The following RNF8 variants were observed in gnomAD, a reference collection of about 807,000 sequenced individuals.
RNF8 encodes the protein ring finger protein 8.
RNF8 carries 8 observed loss-of-function variants against 59.3 expected under a neutral mutation model. The observed-to-expected ratio is 0.13, with a 90% CI of 0.08 to 0.24. The LOEUF (loss-of-function observed/expected upper bound fraction) is 0.24, where lower values mean the gene tolerates loss of function less well. Ranked by LOEUF, RNF8 falls within the 10% of genes least tolerant of loss-of-function variation. The pLI, the probability that RNF8 is intolerant of heterozygous loss-of-function variation, is 1.00. For synonymous variants in RNF8, 162 were observed against 200.0 expected (o/e 0.81, Z 1.60); for missense variants, 406 against 572.6 (o/e 0.71, Z 2.97).
At chr6:37,384,418 A>G (rs1014777459) in intron 7 of RNF8, among the ~76,000 whole-genome samples, 1 of 152,184 alleles carries the variant, frequency 6.6e-6, no homozygotes, top group African/African-American at 2.4e-5. Context: ...CTGGGATTAC[A>G]GGCATGAGCC....
At position 37,368,028 on chromosome 6, in the gene RNF8, C is replaced by G. The variant is rs116052254; in HGVS notation, c.241-456C>G. 3.5e-3 allele frequency among the ~76,000 whole-genome samples: 529 copies of G among 152,246 alleles called. 4 individuals are homozygous for G. Among genetic ancestry groups the G allele is most frequent in the African/African-American group, 0.012 (503 of 41,552 alleles). On this transcript the variant is annotated intron_variant, in intron 2 of 7. Transcript: ENST00000373479. ...CTCTCTTTTTTTTGGTTTATGTGTG[C>G]TTGCTTGCTTACCAGTGCGTTAAGG...
intron 2 of RNF8, among the ~76,000 whole-genome samples, chr6:37,367,226 T>C (rs563324114): frequency 6.6e-6 from 1 of 152,142 alleles, no homozygotes; most frequent in African/African-American, 2.4e-5. Flanking sequence ...GAGAGACTTA[T>C]TTTCCTCCAT....
chr6:37,355,702 A>T (rs909943044), intron 1 of RNF8, among the ~76,000 whole-genome samples: 1 of 152,200 alleles, frequency 6.6e-6, no homozygotes, highest in East Asian at 1.9e-4. Context: ...CCAAGAAAAC[A>T]TCTCTGCCTC....
At position 37,390,928 on chromosome 6, in the gene RNF8, G is replaced by C; in HGVS notation, c.*170G>C. On this transcript the variant is annotated 3_prime_UTR_variant, in exon 8 of 8. Transcript: ENST00000373479. Reference sequence around the variant, plus strand: ...AGTCACTTGCCTTCCACGGTGGCCAGCCCTGCTGCCATCATTGGCTGAAGC... The same window carrying C: ...AGTCACTTGCCTTCCACGGTGGCCACCCCTGCTGCCATCATTGGCTGAAGC... 9.3e-7 allele frequency: 1 copy of C among 1,071,698 alleles called. No individual in the cohort carries two copies. The highest frequency in any genetic ancestry group is 1.4e-6 in the Non-Finnish European group (1 of 697,734). The allele number at this position is 1,071,698 out of a possible 1,614,324, so 66.4% of individuals were successfully genotyped here. A position where few individuals can be genotyped will look rare whatever the true frequency, so the allele number is the denominator to read the frequency against.
At position 37,370,638 on chromosome 6, in the gene RNF8, C is replaced by G. The variant is rs145278606; in HGVS notation, c.976-874C>G. 3.3e-3 allele frequency among the ~76,000 whole-genome samples: 497 copies of G among 151,182 alleles called. 8 individuals are homozygous for G. Among genetic ancestry groups the G allele is most frequent in the African/African-American group, 0.011 (450 of 41,116 alleles). ...TGCATCTCCCTCTGCCCACCAAGCCCTGAGGATTTATCCTATCCCCTACTG... is the reference window on the plus strand; with the variant it reads ...TGCATCTCCCTCTGCCCACCAAGCCGTGAGGATTTATCCTATCCCCTACTG... On this transcript the variant is annotated intron_variant, in intron 3 of 7. Transcript: ENST00000373479.
At chr6:37,356,190 T>C (rs1188246060) in intron 1 of RNF8, among the ~76,000 whole-genome samples, 2 of 152,200 alleles carry the variant, frequency 1.3e-5, no homozygotes, top group Non-Finnish European at 2.9e-5. Flanking sequence ...GGGACCCATA[T>C]AAACTCAGTG....
rs9462305 is a variant in RNF8 at position 37,383,951 on chromosome 6, G to A, written c.1441+2597G>A. Reference sequence around the variant, plus strand: ...CCTCCCGTTTCTTCTGTTCTCATTCGATGTTAGTTGGTTGACAAGAGTGTT... The same window carrying A: ...CCTCCCGTTTCTTCTGTTCTCATTCAATGTTAGTTGGTTGACAAGAGTGTT... On this transcript the variant is annotated intron_variant, in intron 7 of 7. Coordinates refer to ENST00000373479, the MANE Select transcript of RNF8 (RefSeq NM_003958.4). Among the ~76,000 whole-genome samples the A allele has an allele frequency of 4.1e-3, 616 of 152,058 alleles. 6 individuals are homozygous for A. Among genetic ancestry groups the A allele is most frequent in the African/African-American group, 0.014 (593 of 41,474 alleles).
At chr6:37,358,278 A>G (rs939844916) in intron 1 of RNF8, among the ~76,000 whole-genome samples, 4 of 152,228 alleles carry the variant, frequency 2.6e-5, no homozygotes, top group Non-Finnish European at 5.9e-5. Context: ...GGCTCAGGAC[A>G]TTCAGGGTCT....
chr6:37,367,879 A>G (rs913762362), intron 2 of RNF8, among the ~76,000 whole-genome samples: 5 of 152,194 alleles, frequency 3.3e-5, no homozygotes, highest in Non-Finnish European at 5.9e-5. Flanking sequence ...TATGCAGACT[A>G]TGAACCCACA....
intron 7 of RNF8, among the ~76,000 whole-genome samples, chr6:37,390,262 A>T (rs1316335508): frequency 1.3e-5 from 2 of 152,154 alleles, no homozygotes; most frequent in Non-Finnish European, 2.9e-5. Flanking sequence ...ATGGAGAAAA[A>T]TCAAGCAAGA....
At chr6:37,390,295 A>G (rs1310603988) in intron 7 of RNF8, among the ~76,000 whole-genome samples, 1 of 152,160 alleles carries the variant, frequency 6.6e-6, no homozygotes, top group Non-Finnish European at 1.5e-5. Flanking sequence ...GTGATGGTGA[A>G]AGCCTTGGCA....
chr6:37,368,132 T>C (rs568718177), intron 2 of RNF8, among the ~76,000 whole-genome samples: 53 of 152,358 alleles, frequency 3.5e-4, no homozygotes, highest in African/African-American at 1.2e-3. Context: ...AATAGCATTT[T>C]TTCTAGTTTT....
At chr6:37,384,831 G>A (rs1369648597) in intron 7 of RNF8, among the ~76,000 whole-genome samples, 1 of 152,132 alleles carries the variant, frequency 6.6e-6, no homozygotes, top group East Asian at 1.9e-4. Context: ...ATACTTATTA[G>A]CAGGTAGTTG....
Position 37,368,415 on chromosome 6 carries a change from C to A in RNF8, c.241-69C>A, listed in dbSNP as rs929024554. The A allele has an allele frequency of 3.7e-6, 6 of 1,612,778 alleles. No individual in the cohort carries two copies. The Admixed American group carries it at 5.0e-5, about 13-fold the overall frequency. On this transcript the variant is annotated intron_variant, in intron 2 of 7. Coordinates refer to ENST00000373479, the MANE Select transcript of RNF8 (RefSeq NM_003958.4). The stretch of plus-strand genomic sequence containing the variant: ...GAAAAGGCAGAAGATTTTACAGCAG[C>A]AGGAGAGAGATTCCTTTAAGAAGAC...
rs572524761 is a variant in RNF8, at chr6:37,389,512, G to A, written c.1442-1230G>A. On this transcript the variant is annotated intron_variant, in intron 7 of 7. Coordinates refer to ENST00000373479, the MANE Select transcript of RNF8 (RefSeq NM_003958.4). Reference sequence around the variant, plus strand: ...GGGGTTTTTGTTGTTTTTTAAAGACGAGATTTGAGCATGTTCCATTGCAGA... The same window carrying A: ...GGGGTTTTTGTTGTTTTTTAAAGACAAGATTTGAGCATGTTCCATTGCAGA... Among the ~76,000 whole-genome samples, 4 of 152,092 alleles carry A rather than the reference G, an allele frequency of 2.6e-5. No homozygotes were observed. The South Asian group carries it at 6.3e-4, about 24-fold the overall frequency.
intron 6 of RNF8, among the ~76,000 whole-genome samples, chr6:37,378,169 A>C (rs370367075): frequency 4.6e-5 from 7 of 152,248 alleles, no homozygotes; most frequent in African/African-American, 1.7e-4. Context: ...TGGTGTGTGC[A>C]TGTAGTCCCA....
chr6:37,389,894 GA>G (rs1562100795), intron 7 of RNF8, among the ~76,000 whole-genome samples: 1 of 152,212 alleles, frequency 6.6e-6, no homozygotes. Flanking sequence ...CCAGAAGTGG[GA>G]GACGAATAAC....
At position 37,354,215 on chromosome 6, in the gene RNF8, C is replaced by G; in HGVS notation, c.51C>G (p.Ser17Arg). 1 of 1,585,766 alleles carries G rather than the reference C, an allele frequency of 6.3e-7. No homozygotes were observed. The highest frequency in any genetic ancestry group is 8.6e-7 in the Non-Finnish European group (1 of 1,166,860). ...CAGGAGACCGCGCCGGTGGCCGGAG[C>G]TGGTGCCTGCGGCGGGTGGGGATGA... ...FVTGDRAGGR[S>R]WCLRRVGMSA... Residue 17 changes from serine to arginine, a missense_variant, in exon 1 of 8, where the codon AGC becomes AGG. This residue lies in a region of RNF8 where 62 missense variants were observed against 112.2 expected (regional missense o/e 0.55). Transcript: ENST00000373479.
chr6:37,385,652 A>G (rs1770464137), intron 7 of RNF8, among the ~76,000 whole-genome samples: 1 of 152,060 alleles, frequency 6.6e-6, no homozygotes, highest in Admixed American at 6.5e-5. Flanking sequence ...AAGAAAAGAA[A>G]AAGTATGCTT....
Sources: gnomAD v4.1 joint callset for allele counts (sites outside exome capture counted in the v4.1 genomes callset) on GRCh38, gnomAD v4.1.1 for gene constraint, gnomAD v4.1.1 regional missense constraint, MANE v1.5 for transcripts, NCBI Gene and HGNC (gene_info 2026-07-23, HGNC 2026-07-21) for gene names.